The following KHDRBS2 variants were observed in gnomAD, a reference collection of about 807,000 sequenced individuals.
KHDRBS2 encodes the protein KH RNA binding domain containing, signal transduction associated 2.
KHDRBS2 carries 26 observed loss-of-function variants against 44.3 expected under a neutral mutation model. The observed-to-expected ratio is 0.59, with a 90% confidence interval of 0.43 to 0.81. The LOEUF is 0.81. Ranked by LOEUF, KHDRBS2 falls within the 40% of genes least tolerant of loss-of-function variation. The probability of loss-of-function intolerance (pLI) is 0.00; values close to 1 mark genes in which losing one functional copy is unlikely to be tolerated. For synonymous variants in KHDRBS2, 194 were observed against 151.1 expected, an observed-to-expected ratio of 1.28 and a Z score of -2.08; for missense variants, 476 against 433.1, an observed-to-expected ratio of 1.10 and a Z score of -0.88.
chr6:61,619,614 C>T, the KHDRBS2 span, among the ~76,000 whole-genome samples: 2 of 152,120 alleles, frequency 1.3e-5, no homozygotes, highest in African/African-American at 4.8e-5. Flanking sequence ...GCCACCACGC[C>T]TGGCTAATTT....
At chr6:62,207,067 T>C (rs2150142254) in intron 1 of KHDRBS2, among the ~76,000 whole-genome samples, 1 of 152,080 alleles carries the variant, frequency 6.6e-6, no homozygotes, top group East Asian at 1.9e-4. Context: ...TGTAAGACTT[T>C]AATTTTGTAG....
At chr6:61,758,845 A>T (rs1267230720) in intron 6 of KHDRBS2, among the ~76,000 whole-genome samples, 1 of 152,182 alleles carries the variant, frequency 6.6e-6, no homozygotes, top group Non-Finnish European at 1.5e-5. Flanking sequence ...GGAGACATGT[A>T]CATTATTGAA....
chr6:62,096,661 C>T (rs1244814059), intron 2 of KHDRBS2, among the ~76,000 whole-genome samples: 1 of 151,668 alleles, frequency 6.6e-6, no homozygotes, highest in Non-Finnish European at 1.5e-5. Context: ...TTTCAAAAAA[C>T]CGGGTTTTCA....
the KHDRBS2 span, among the ~76,000 whole-genome samples, chr6:61,577,270 G>C: frequency 1.6e-3 from 237 of 152,032 alleles, 1 homozygote; most frequent in African/African-American, 5.5e-3. Flanking sequence ...GCTGCAGGTT[G>C]GTGTACCTAG....
the KHDRBS2 span, among the ~76,000 whole-genome samples, chr6:61,660,212 G>A: frequency 0.028 from 4,260 of 151,828 alleles, 199 homozygotes; most frequent in African/African-American, 0.097. Context: ...TATTGTACAG[G>A]AGAATTTACG....
At chr6:61,597,806 G>A in the KHDRBS2 span, among the ~76,000 whole-genome samples, 1 of 108,274 alleles carries the variant, frequency 9.2e-6, no homozygotes, top group East Asian at 2.8e-4. Flanking sequence ...GAAAAGAAGT[G>A]GACCAAAGGG....
At chr6:62,017,555 ATGT>A (rs1781434188) in intron 3 of KHDRBS2, among the ~76,000 whole-genome samples, 1 of 152,132 alleles carries the variant, frequency 6.6e-6, no homozygotes, top group Non-Finnish European at 1.5e-5. Flanking sequence ...CTCTTAAAAA[ATGT>A]TGTATTCTGA....
At chr6:62,212,258 G>A (rs1829185267) in intron 1 of KHDRBS2, among the ~76,000 whole-genome samples, 2 of 151,844 alleles carry the variant, frequency 1.3e-5, no homozygotes, top group Non-Finnish European at 2.9e-5. Flanking sequence ...AAACTAAAAA[G>A]TGTTCAATCA....
chr6:61,839,521 A>T (rs1047732805), intron 6 of KHDRBS2, among the ~76,000 whole-genome samples: 2 of 152,138 alleles, frequency 1.3e-5, no homozygotes, highest in Non-Finnish European at 2.9e-5. Flanking sequence ...GGTTAGGTTC[A>T]AACATAACTT....
At chr6:61,594,600 C>T in the KHDRBS2 span, among the ~76,000 whole-genome samples, 1 of 152,080 alleles carries the variant, frequency 6.6e-6, no homozygotes, top group Non-Finnish European at 1.5e-5. Flanking sequence ...CTGTGGCCTA[C>T]AATTTAATAT....
At chr6:62,274,644 T>C (rs1382580595) in intron 1 of KHDRBS2, among the ~76,000 whole-genome samples, 2 of 152,176 alleles carry the variant, frequency 1.3e-5, no homozygotes, top group Non-Finnish European at 2.9e-5. Context: ...ATCCTGGTCA[T>C]ATTCTACTTA....
At chr6:61,947,899 C>CA (rs1813686097) in intron 4 of KHDRBS2, among the ~76,000 whole-genome samples, 3 of 140,044 alleles carry the variant, frequency 2.1e-5, no homozygotes, top group South Asian at 2.3e-4. Flanking sequence ...TGACAAAACC[C>CA]CCACACACAC....
chr6:62,083,310 G>A (rs1797770759), intron 2 of KHDRBS2, among the ~76,000 whole-genome samples: 1 of 152,084 alleles, frequency 6.6e-6, no homozygotes. Context: ...CCATACTCCA[G>A]GGGAAAACCA....
the KHDRBS2 span, among the ~76,000 whole-genome samples, chr6:61,641,505 C>A: frequency 1.3e-5 from 2 of 152,140 alleles, no homozygotes; most frequent in South Asian, 4.1e-4. Context: ...TAAACATTTC[C>A]ACTCAAGGTA....
At chr6:61,941,100 G>C (rs1812042202) in intron 4 of KHDRBS2, among the ~76,000 whole-genome samples, 1 of 152,152 alleles carries the variant, frequency 6.6e-6, no homozygotes, top group South Asian at 2.1e-4. Flanking sequence ...GCCCAGCTTG[G>C]CTTTGCCATA....
chr6:62,018,227 G>T (rs1178878730), intron 3 of KHDRBS2, among the ~76,000 whole-genome samples: 1 of 148,430 alleles, frequency 6.7e-6, no homozygotes, highest in Non-Finnish European at 1.5e-5. Context: ...TTATATTTAC[G>T]TAAATATACA....
At chr6:61,574,379 C>T in the KHDRBS2 span, 2 of 1,526,266 alleles carry the variant, frequency 1.3e-6, no homozygotes, top group South Asian at 1.2e-5. Flanking sequence ...TGCAACTGAC[C>T]TGCCCGTGAA....
At chr6:61,767,597 A>G (rs1014730357) in intron 6 of KHDRBS2, among the ~76,000 whole-genome samples, 10 of 151,804 alleles carry the variant, frequency 6.6e-5, no homozygotes, top group Non-Finnish European at 1.0e-4. Flanking sequence ...TTTCTCTGGT[A>G]GTATATTTTA....
intron 4 of KHDRBS2, among the ~76,000 whole-genome samples, chr6:61,969,893 A>T (rs1371870260): frequency 4.6e-5 from 7 of 151,942 alleles, no homozygotes; most frequent in Non-Finnish European, 1.0e-4. Context: ...AAAAAAAAAC[A>T]TATAAAATCT....
Sources: allele counts gnomAD v4.1 joint callset (sites outside exome capture counted in the v4.1 genomes callset), GRCh38; gene constraint gnomAD v4.1.1; transcripts MANE v1.5; gene names NCBI Gene and HGNC (gene_info 2026-07-23, HGNC 2026-07-21).